Variants in HOOK3 observed in about 807,000 individuals in gnomAD.
The protein encoded by HOOK3 is protein Hook homolog 3.
In HOOK3, 24 loss-of-function variants were observed where a neutral mutation model predicts 116.3. The observed-to-expected ratio is 0.21, with a 90% CI of 0.15 to 0.29. The LOEUF (loss-of-function observed/expected upper bound fraction) is 0.29, where lower values mean the gene tolerates loss of function less well. Among genes scored for constraint, HOOK3 ranks in the 10% least tolerant of loss-of-function variants. HOOK3 has a pLI of 1.00. For synonymous variants in HOOK3, 275 were observed against 283.0 expected (o/e 0.97, Z 0.28); for missense variants, 632 against 830.2 (o/e 0.76, Z 2.93).
rs572925871 is a variant in HOOK3 at position 42,933,683 on chromosome 8, TA to T, written c.267+3512del. On this transcript the variant is annotated intron_variant, in intron 4 of 21. Coordinates refer to ENST00000307602, the MANE Select transcript of HOOK3 (RefSeq NM_032410.4). ...CATCTTCAGAAAAATACATGAGAGA[TA>T]CTTATTTTAAGCCCCACAAATCTGA... Among the ~76,000 whole-genome samples the T allele has an allele frequency of 1.5e-3, 230 of 152,364 alleles. 3 individuals carry two copies. The South Asian group carries it at 0.018, about 12-fold the overall frequency.
intron 1 of HOOK3, among the ~76,000 whole-genome samples, chr8:42,897,621 C>A (rs895487642): frequency 6.6e-6 from 1 of 152,228 alleles, no homozygotes; most frequent in African/African-American, 2.4e-5. Flanking sequence ...GCCCGGGGAC[C>A]CCGTTTCGGA....
chr8:42,947,580 T>C lies in HOOK3; in HGVS notation c.401-2808T>C, dbSNP rs182567291. On this transcript the variant is annotated intron_variant, in intron 5 of 21. Coordinates refer to ENST00000307602, the MANE Select transcript of HOOK3 (RefSeq NM_032410.4). ...AAATTGTATAAATGATGGAAACTTA[T>C]TGAACAAAATTTTAACATCTCATTT... 5.0e-3 allele frequency among the ~76,000 whole-genome samples: 767 copies of C among 152,334 alleles called. 3 individuals are homozygous for C. Among genetic ancestry groups the C allele is most frequent in the South Asian group, 0.021 (102 of 4,828 alleles).
intron 1 of HOOK3, among the ~76,000 whole-genome samples, chr8:42,904,627 CA>C (rs1250600764): frequency 2.6e-5 from 4 of 152,052 alleles, no homozygotes; most frequent in Non-Finnish European, 5.9e-5. Flanking sequence ...TATATTAATA[CA>C]ATGCAAACCT....
At chr8:42,951,165 A>G (rs1808338035) in intron 6 of HOOK3, among the ~76,000 whole-genome samples, 1 of 152,040 alleles carries the variant, frequency 6.6e-6, no homozygotes, top group Non-Finnish European at 1.5e-5. Context: ...GGTTCAAGCA[A>G]TTCTCCTGTC....
chr8:42,919,121 G>A (rs1353633783), intron 2 of HOOK3, among the ~76,000 whole-genome samples: 1 of 151,362 alleles, frequency 6.6e-6, no homozygotes, highest in Admixed American at 6.6e-5. Context: ...GCGGCTGCCG[G>A]GTGGAGACGC....
chr8:42,961,501 A>T (rs1050272479), intron 8 of HOOK3, among the ~76,000 whole-genome samples: 1 of 152,162 alleles, frequency 6.6e-6, no homozygotes, highest in African/African-American at 2.4e-5. Flanking sequence ...TGCAGAGGTG[A>T]TCAATGAAAG....
chr8:43,029,896 G>A lies in HOOK3; in HGVS notation c.*11398G>A, dbSNP rs1369465146. On this transcript the variant is annotated 3_prime_UTR_variant, in exon 22 of 22. Transcript: ENST00000307602. Reference sequence around the variant, plus strand: ...TTGATTGTTCTGTGAATTGTTGTTAGTTTCATATTTGACATTGTAGTAATC... The same window carrying A: ...TTGATTGTTCTGTGAATTGTTGTTAATTTCATATTTGACATTGTAGTAATC... 2 of 214,132 alleles carry A rather than the reference G, an allele frequency of 9.3e-6. No individual in the cohort carries two copies. The highest frequency in any genetic ancestry group is 4.5e-5 in the African/African-American group (2 of 44,274). The allele number at this position is 214,132 out of a possible 1,614,324, so 13.3% of individuals were successfully genotyped here.
intron 3 of HOOK3, among the ~76,000 whole-genome samples, chr8:42,928,872 T>C (rs797019233): frequency 4.4e-4 from 67 of 151,978 alleles, no homozygotes; most frequent in African/African-American, 1.5e-3. Context: ...TGAAACCCCG[T>C]CTCTACTAAA....
intron 15 of HOOK3, among the ~76,000 whole-genome samples, chr8:42,996,709 G>A (rs946713353): frequency 1.3e-5 from 2 of 151,980 alleles, no homozygotes; most frequent in African/African-American, 4.8e-5. Flanking sequence ...ACTCATAGAT[G>A]TTTTATTTAT....
At chr8:42,993,234 C>T (rs1809200959) in intron 15 of HOOK3, among the ~76,000 whole-genome samples, 1 of 152,070 alleles carries the variant, frequency 6.6e-6, no homozygotes, top group Non-Finnish European at 1.5e-5. Flanking sequence ...AGGATTTTTG[C>T]ATCAATATTC....
At chr8:42,943,265 TGG>T in intron 4 of HOOK3, 46 bp from the exon 5 acceptor site, 1 of 1,201,726 alleles carries the variant, frequency 8.3e-7, no homozygotes, top group Non-Finnish European at 1.1e-6. Flanking sequence ...TTTTTTTTTT[TGG>T]TCATATAAAT....
In HOOK3 at chr8:42,986,700, T is replaced by C; in HGVS notation, c.1437T>C (p.Leu479=). Residue 479 remains leucine (L), a synonymous_variant, in exon 15 of 22, where the codon CTT becomes CTC. Coordinates refer to ENST00000307602, the MANE Select transcript of HOOK3 (RefSeq NM_032410.4). ...AGCATGAGAATAAGATGTTAAAGCT[T>C]AACCAAGAAGGTTCGGACAATGAAA... is the stretch of plus-strand genomic sequence containing the variant. ...RLQHENKMLK[L]NQEGSDNEKI... is the part of the protein sequence containing the mutation. 6.2e-7 allele frequency: 1 copy of C among 1,613,860 alleles called. No individual in the cohort carries two copies. The highest frequency in any genetic ancestry group is 8.5e-7 in the Non-Finnish European group (1 of 1,179,830).
rs376205608 is a variant in HOOK3 at position 42,979,132 on chromosome 8, TGCAGTG to T, written c.1322-3492_1322-3487del. Among the ~76,000 whole-genome samples the T allele has an allele frequency of 4.6e-3, 706 of 152,076 alleles. 10 individuals are homozygous for T. The highest frequency in any genetic ancestry group is 0.016 in the African/African-American group (673 of 41,484). The stretch of plus-strand genomic sequence containing the variant: ...TATAAAAATAAAAATAATGGCTGGG[TGCAGTG>T]GCTCATGCCTGTAGTCCCAGCTACT... On this transcript the variant is annotated intron_variant, in intron 13 of 21. Coordinates refer to ENST00000307602, the MANE Select transcript of HOOK3 (RefSeq NM_032410.4).
chr8:42,916,908 A>G (rs1221405976), intron 2 of HOOK3, among the ~76,000 whole-genome samples: 3 of 151,706 alleles, frequency 2.0e-5, no homozygotes, highest in Admixed American at 6.6e-5. Context: ...AACTCTTTAA[A>G]TCGTATTTTG....
intron 16 of HOOK3, 51 bp from the exon 17 acceptor site, chr8:43,002,056 T>G: frequency 8.5e-7 from 1 of 1,172,714 alleles, no homozygotes; most frequent in Non-Finnish European, 1.3e-6. Flanking sequence ...AAGAAAATAC[T>G]ATTTTAGTTA....
intron 7 of HOOK3, among the ~76,000 whole-genome samples, chr8:42,957,939 C>T (rs1808465265): frequency 6.6e-6 from 1 of 151,456 alleles, no homozygotes; most frequent in African/African-American, 2.4e-5. Context: ...TCACCATTCT[C>T]CTGCCTCAGC....
rs992384658 is a variant in HOOK3 at position 43,025,329 on chromosome 8, A to G, written c.*6831A>G. The stretch of plus-strand genomic sequence containing the variant: ...TGCATGAGTATAGAAACCTAAGAAC[A>G]TAATGGAAGGCTATTAAGGCAAATT... On this transcript the variant is annotated 3_prime_UTR_variant, in exon 22 of 22. Transcript: ENST00000307602. 1.4e-5 allele frequency: 3 copies of G among 211,458 alleles called. No individual in the cohort carries two copies. Among genetic ancestry groups the G allele is most frequent in the East Asian group, 7.2e-5 (1 of 13,962 alleles). 13.1% of individuals were successfully genotyped at this position (211,458 alleles called of 1,614,324 possible). A position where few individuals can be genotyped will look rare whatever the true frequency, so the allele number is the denominator to read the frequency against.
At chr8:42,961,109 C>T (rs1041592546) in intron 8 of HOOK3, among the ~76,000 whole-genome samples, 8 of 152,092 alleles carry the variant, frequency 5.3e-5, no homozygotes, top group Admixed American at 2.0e-4. Context: ...CAAAAATTCC[C>T]TCACTTGTGA....
intron 2 of HOOK3, among the ~76,000 whole-genome samples, chr8:42,916,763 CTG>C (rs1807541683): frequency 6.6e-6 from 1 of 152,204 alleles, no homozygotes; most frequent in Non-Finnish European, 1.5e-5. Flanking sequence ...TATCAACCTA[CTG>C]TCTGTCTCCC....
Sources: gnomAD v4.1 joint callset for allele counts (sites outside exome capture counted in the v4.1 genomes callset) on GRCh38, gnomAD v4.1.1 for gene constraint, MANE v1.5 for transcripts, NCBI Gene and HGNC (gene_info 2026-07-23, HGNC 2026-07-21) for gene names.